The following ADGRF1 variants were observed in gnomAD, a reference collection of about 807,000 sequenced individuals.
ADGRF1 encodes G protein-coupled receptor 110.
Under a neutral mutation model 87.2 loss-of-function variants are expected in ADGRF1, and 85 were observed. The ratio of observed to expected loss-of-function variants is 0.97; its 90% CI spans 0.82 to 1.17. The LOEUF (loss-of-function observed/expected upper bound fraction) is 1.17. ADGRF1 is among the 50% of genes most tolerant of loss of function. ADGRF1 has a pLI of 0.00. For synonymous variants in ADGRF1, 430 were observed against 408.8 expected, an observed-to-expected ratio of 1.05 and a Z score of -0.63; for missense variants, 1,169 against 1,077.2, an observed-to-expected ratio of 1.09 and a Z score of -1.19.
intron 2 of ADGRF1, 48 bp from the exon 3 acceptor site, chr6:47,027,809 G>T (rs1220459381): frequency 9.7e-7 from 1 of 1,035,820 alleles, no homozygotes; most frequent in African/African-American, 1.6e-5. Context: ...GAAGAGTTGT[G>T]CTTCATAAGG....
chr6:47,014,089 C>T (rs1011387534), intron 9 of ADGRF1: 1 of 184,254 alleles, frequency 5.4e-6, no homozygotes, highest in Non-Finnish European at 1.0e-5. Context: ...TAATACAGCA[C>T]TGGACTAGGA....
In ADGRF1 at chr6:47,009,792, C is replaced by T; in HGVS notation, c.1643G>A (p.Gly548Asp). The T allele has an allele frequency of 6.2e-7, 1 of 1,614,100 alleles. No homozygotes were observed. Among genetic ancestry groups the T allele is most frequent in the Non-Finnish European group, 8.5e-7 (1 of 1,180,008 alleles). ...DFSHLQWNDA[G>D]CHLVNETQDI... is the part of the protein sequence containing the mutation. ...TTGAGTTTCATTCACTAGGTGGCAG[C>T]CTGCATCGTTCCACTGCAAATGACT... is the stretch of plus-strand genomic sequence containing the variant. Residue 548 changes from glycine (G) to aspartate (D), a missense_variant, in exon 11 of 15, where the codon GGC (glycine) becomes GAC (aspartate). Physicochemically the swap from Gly to Asp is moderately conservative, Grantham distance 94. Transcript: ENST00000371253.
intron 7 of ADGRF1, chr6:47,018,550 A>C: frequency 7.8e-7 from 1 of 1,289,576 alleles, no homozygotes; most frequent in Non-Finnish European, 1.0e-6. Context: ...GATTTAGTGA[A>C]GTTAAACCAG....
intron 1 of ADGRF1, among the ~76,000 whole-genome samples, chr6:47,036,530 C>A (rs1780594208): frequency 6.6e-6 from 1 of 152,190 alleles, no homozygotes; most frequent in Admixed American, 6.5e-5. Flanking sequence ...GCAGAACAGG[C>A]TCTGTGGGAC....
chr6:47,020,400 G>T, intron 7 of ADGRF1: 1 of 865,754 alleles, frequency 1.2e-6, no homozygotes, highest in Non-Finnish European at 1.7e-6. Flanking sequence ...GGAGGCTGAG[G>T]CAGGGGAATC....
chr6:47,030,576 ATGTGTGTG>A (rs3030596), intron 1 of ADGRF1, among the ~76,000 whole-genome samples: 249 of 138,556 alleles, frequency 1.8e-3, no homozygotes, highest in African/African-American at 5.2e-3. Flanking sequence ...TAACATGAAT[ATGTGTGTG>A]TGTGTGTGTG....
chr6:47,015,009 C>G (rs1779823622), intron 8 of ADGRF1, among the ~76,000 whole-genome samples, 165 bp from the exon 9 acceptor site: 1 of 152,200 alleles, frequency 6.6e-6, no homozygotes, highest in Non-Finnish European at 1.5e-5. Context: ...TGCTTCATCC[C>G]TCTCAACATT....
chr6:47,013,479 G>C (rs1779768833), intron 9 of ADGRF1: 1 of 985,482 alleles, frequency 1.0e-6, no homozygotes, highest in South Asian at 4.7e-5. Context: ...TCTCTGGCTG[G>C]AATAGAAGTT....
intron 2 of ADGRF1, 109 bp downstream of exon 2, chr6:47,028,884 A>G (rs1780325931): frequency 8.6e-6 from 7 of 816,692 alleles, no homozygotes; most frequent in Admixed American, 1.8e-5. Flanking sequence ...GATCTCAAGT[A>G]CATTAAATTA....
In ADGRF1 at chr6:47,010,301, A is replaced by G; in HGVS notation, c.1134T>C (p.Ala378=). Residue 378 remains alanine, a synonymous_variant, in exon 11 of 15, where the codon GCT becomes GCC. Coordinates refer to ENST00000371253, the MANE Select transcript of ADGRF1 (RefSeq NM_153840.4). ...CTGAGGCTGAATTAAGGATATTGTCAGCTATACTGATGACATCCTGAAACA... is the reference window on the plus strand; with the variant it reads ...CTGAGGCTGAATTAAGGATATTGTCGGCTATACTGATGACATCCTGAAACA... ...NSTMEDVISI[A]DNILNSASVT... 41 of 1,607,392 alleles carry G rather than the reference A, an allele frequency of 2.6e-5. No individual in the cohort carries two copies. Among genetic ancestry groups the G allele is most frequent in the Non-Finnish European group, 3.3e-5 (39 of 1,176,562 alleles).
rs1779262443 is a variant in ADGRF1, at chr6:46,998,146, C to T, written c.*2076G>A. 2.0e-5 allele frequency: 3 copies of T among 152,150 alleles called. No individual in the cohort carries two copies. Among genetic ancestry groups the T allele is most frequent in the Admixed American group, 2.0e-4 (3 of 15,276 alleles). 9.4% of individuals were successfully genotyped at this position (152,150 alleles called of 1,614,324 possible). On this transcript the variant is annotated 3_prime_UTR_variant, in exon 15 of 15. Transcript: ENST00000371253. ...CGGAGGTTTCTGGCCTCCCTTTCCC[C>T]AAGGTCCCCAAAAAAAGAAATCTGT...
chr6:47,025,787 C>A, intron 4 of ADGRF1, 67 bp downstream of exon 4: 1 of 1,388,204 alleles, frequency 7.2e-7, no homozygotes, highest in South Asian at 1.5e-5. Flanking sequence ...ACAGCATAAC[C>A]CAACCTAGCC....
At position 47,009,023 on chromosome 6, in the gene ADGRF1, C is replaced by G. The variant is rs965008027; in HGVS notation, c.2412G>C (p.Trp804Cys). 6 of 1,613,924 alleles carry G rather than the reference C, an allele frequency of 3.7e-6. No individual in the cohort carries two copies. Among genetic ancestry groups the G allele is most frequent in the African/African-American group, 1.3e-5 (1 of 74,908 alleles). Residue 804 changes from tryptophan to cysteine, a missense_variant, in exon 11 of 15, where the codon TGG (tryptophan) becomes TGC (cysteine). Transcript: ENST00000371253. The part of the protein sequence containing the change: ...LILTPLLGLT[W>C]GFGIGTIVDS... ...CCACTATTGTTCCTATTCCAAAGCC[C>G]CAGGTGAGCCCTAGCAGAGGGGTCA...
intron 13 of ADGRF1, among the ~76,000 whole-genome samples, 159 bp downstream of exon 13, chr6:47,005,658 C>T (rs879087237): frequency 1.3e-5 from 2 of 152,212 alleles, no homozygotes; most frequent in Admixed American, 6.5e-5. Context: ...CTCTTTACTA[C>T]CACTCATGTG....
intron 1 of ADGRF1, among the ~76,000 whole-genome samples, chr6:47,040,334 T>C (rs1780700977): frequency 6.6e-6 from 1 of 151,998 alleles, no homozygotes; most frequent in South Asian, 2.1e-4. Context: ...TAGCCAGGCA[T>C]GGTGGTGGAT....
intron 6 of ADGRF1, among the ~76,000 whole-genome samples, chr6:47,021,345 A>G (rs953454235): frequency 6.6e-6 from 1 of 151,980 alleles, no homozygotes; most frequent in Non-Finnish European, 1.5e-5. Context: ...AATGCTGACA[A>G]TTGAGCTTAG....
chr6:47,031,324 C>G (rs997686615), intron 1 of ADGRF1, among the ~76,000 whole-genome samples: 4 of 147,132 alleles, frequency 2.7e-5, no homozygotes, highest in South Asian at 2.2e-4. Context: ...CTGTCTCTCT[C>G]TCTCTCTTCT....
In ADGRF1 at chr6:47,000,307, A is replaced by G. The variant is rs758419498; in HGVS notation, c.2660-12T>C. 18 of 1,568,204 alleles carry G rather than the reference A, an allele frequency of 1.1e-5. No individual in the cohort carries two copies. In the African/African-American group the frequency reaches 1.3e-4, roughly 12 times the overall value. ...AAATGCATAATGGCCTGAAGGGGAA[A>G]AAAAAAGGAAATAATTATTGTTACT... is the stretch of plus-strand genomic sequence containing the variant. On this transcript the variant is annotated splice_polypyrimidine_tract_variant and intron_variant, in intron 14 of 14. Coordinates refer to ENST00000371253, the MANE Select transcript of ADGRF1 (RefSeq NM_153840.4).
chr6:47,014,287 A>G, intron 9 of ADGRF1: 8 of 993,924 alleles, frequency 8.0e-6, no homozygotes, highest in Non-Finnish European at 9.6e-6. Context: ...TCTGGTATAG[A>G]TATATCCTTA....
Sources: allele counts gnomAD v4.1 joint callset (sites outside exome capture counted in the v4.1 genomes callset), GRCh38; gene constraint gnomAD v4.1.1; transcripts MANE v1.5; gene names NCBI Gene and HGNC (gene_info 2026-07-23, HGNC 2026-07-21).